The following RBFOX1 variants were observed in gnomAD, a reference collection of about 807,000 sequenced individuals.
RBFOX1 encodes the protein RNA binding protein fox-1 homolog 1.
RBFOX1 carries 8 observed loss-of-function variants against 57.7 expected under a neutral mutation model. That is an observed-to-expected ratio of 0.14 (90% CI 0.08 to 0.25). RBFOX1 has a LOEUF of 0.25. Among genes scored for constraint, RBFOX1 ranks in the 10% least tolerant of loss-of-function variants. RBFOX1 has a pLI of 1.00. For missense variants in RBFOX1, 611 were observed against 548.5 expected, an observed-to-expected ratio of 1.11 and a Z score of -1.14; for synonymous variants, 326 against 222.4, an observed-to-expected ratio of 1.47 and a Z score of -4.15.
At chr16:5,925,698 T>C (rs2058926188) in intron 4 of RBFOX1, among the ~76,000 whole-genome samples, 1 of 152,218 alleles carries the variant, frequency 6.6e-6, no homozygotes, top group Admixed American at 6.5e-5. Flanking sequence ...TATGTTATAC[T>C]GAAATATAGA....
intron 1 of RBFOX1, among the ~76,000 whole-genome samples, chr16:6,175,715 G>C (rs1330943781): frequency 6.6e-6 from 1 of 152,192 alleles, no homozygotes. Context: ...GGATTTCTAA[G>C]TGGTTCCCCA....
chr16:7,148,249 G>C (rs541815967), intron 4 of RBFOX1, among the ~76,000 whole-genome samples: 11 of 152,252 alleles, frequency 7.2e-5, no homozygotes, highest in Non-Finnish European at 1.5e-4. Flanking sequence ...AATGGAAGAA[G>C]TTTAAAGGCA....
At chr16:7,097,590 C>A (rs891071477) in intron 4 of RBFOX1, among the ~76,000 whole-genome samples, 1 of 152,144 alleles carries the variant, frequency 6.6e-6, no homozygotes, top group Non-Finnish European at 1.5e-5. Flanking sequence ...TAATCAAATT[C>A]CATCCAATTA....
intron 1 of RBFOX1, among the ~76,000 whole-genome samples, chr16:6,039,461 A>T (rs992245387): frequency 2.6e-5 from 4 of 152,008 alleles, no homozygotes; most frequent in Admixed American, 6.6e-5. Flanking sequence ...CAGCTTGGAG[A>T]CCGAAGTTCT....
chr16:6,969,055 A>C (rs539549284), intron 3 of RBFOX1, among the ~76,000 whole-genome samples: 48 of 152,180 alleles, frequency 3.2e-4, no homozygotes, highest in Middle Eastern at 3.4e-3. Flanking sequence ...TACAGTTCCC[A>C]TCCGAGAGGT....
At chr16:5,720,955 A>G (rs560222671) in intron 3 of RBFOX1, among the ~76,000 whole-genome samples, 128 of 152,276 alleles carry the variant, frequency 8.4e-4, no homozygotes, top group Non-Finnish European at 1.4e-3. Context: ...CAGCTTGTCA[A>G]TTTCAGCCGA....
chr16:7,249,763 G>T (rs2094441350), intron 4 of RBFOX1, among the ~76,000 whole-genome samples: 2 of 152,136 alleles, frequency 1.3e-5, no homozygotes, highest in South Asian at 2.1e-4. Context: ...AACCGACAGT[G>T]ATGAGCAACA....
chr16:7,712,018 G>T lies in RBFOX1; in HGVS notation c.*1273G>T. On this transcript the variant is annotated 3_prime_UTR_variant, in exon 16 of 16. Transcript: ENST00000550418. The stretch of plus-strand genomic sequence containing the variant: ...TCTCCAAGGCCCAGGACACTTGTCA[G>T]AAGGATGCAAAAAAAGAAAAAAGTA... 1 of 152,196 alleles carries T rather than the reference G, an allele frequency of 6.6e-6. No homozygotes were observed. Among genetic ancestry groups the T allele is most frequent in the East Asian group, 1.9e-4 (1 of 5,178 alleles). 9.4% of individuals were successfully genotyped at this position (152,196 alleles called of 1,614,324 possible). A position where few individuals can be genotyped will look rare whatever the true frequency, so the allele number is the denominator to read the frequency against.
chr16:7,539,912 C>A (rs367682175), intron 5 of RBFOX1, among the ~76,000 whole-genome samples: 2 of 152,192 alleles, frequency 1.3e-5, no homozygotes, highest in African/African-American at 2.4e-5. Flanking sequence ...AGAAGGCAGC[C>A]CCTTGGAGGT....
chr16:5,811,716 TG>T (rs1436873069), intron 3 of RBFOX1, among the ~76,000 whole-genome samples: 2 of 152,228 alleles, frequency 1.3e-5, no homozygotes, highest in Non-Finnish European at 2.9e-5. Context: ...CCCAAAGTGC[TG>T]GGATTACAGA....
At chr16:6,705,419 G>GACAT (rs1184628560) in intron 3 of RBFOX1, 2 of 152,132 alleles carry the variant, frequency 1.3e-5, no homozygotes, top group Admixed American at 1.3e-4. Context: ...AATACCTACA[G>GACAT]ACATACATAC....
At chr16:6,899,126 T>A (rs918901145) in intron 3 of RBFOX1, among the ~76,000 whole-genome samples, 4 of 151,748 alleles carry the variant, frequency 2.6e-5, no homozygotes, top group Non-Finnish European at 5.9e-5. Context: ...TTTATGCATA[T>A]GTGTATATGT....
intron 4 of RBFOX1, among the ~76,000 whole-genome samples, chr16:7,188,492 T>A (rs909666100): frequency 4.6e-5 from 7 of 152,212 alleles, no homozygotes; most frequent in Admixed American, 4.6e-4. Context: ...ACTGAAGTTA[T>A]GCAGAAAGGA....
intron 3 of RBFOX1, among the ~76,000 whole-genome samples, chr16:5,628,535 G>T (rs1240297155): frequency 6.6e-6 from 1 of 152,086 alleles, no homozygotes; most frequent in Non-Finnish European, 1.5e-5. Flanking sequence ...GTAGTATTTG[G>T]GCTCTAGGAA....
intron 1 of RBFOX1, among the ~76,000 whole-genome samples, chr16:6,164,506 G>A (rs1353682101): frequency 1.6e-5 from 2 of 128,604 alleles, no homozygotes; most frequent in African/African-American, 5.8e-5. Flanking sequence ...TTGTTTCATT[G>A]CCCAGGATGG....
At chr16:6,653,228 T>A (rs1260347806) in intron 2 of RBFOX1, among the ~76,000 whole-genome samples, 1 of 152,140 alleles carries the variant, frequency 6.6e-6, no homozygotes, top group Non-Finnish European at 1.5e-5. Context: ...CCCTCAGCAT[T>A]TCCCACCCCC....
At chr16:6,805,401 A>G (rs1016385361) in intron 3 of RBFOX1, among the ~76,000 whole-genome samples, 2 of 152,172 alleles carry the variant, frequency 1.3e-5, no homozygotes, top group African/African-American at 4.8e-5. Context: ...GATAGAGGGT[A>G]GGAGGAGGGA....
At chr16:5,691,441 A>G (rs747023535) in intron 3 of RBFOX1, among the ~76,000 whole-genome samples, 3 of 152,188 alleles carry the variant, frequency 2.0e-5, no homozygotes, top group South Asian at 2.1e-4. Flanking sequence ...TGCTTGAATC[A>G]GTGGTTGAAT....
intron 3 of RBFOX1, among the ~76,000 whole-genome samples, chr16:6,913,862 C>T (rs996684509): frequency 3.3e-5 from 5 of 152,260 alleles, no homozygotes; most frequent in Non-Finnish European, 7.3e-5. Context: ...TCAGGGAGGG[C>T]CAATCTATTA....
Sources: gnomAD v4.1 joint callset for allele counts (sites outside exome capture counted in the v4.1 genomes callset) on GRCh38, gnomAD v4.1.1 for gene constraint, MANE v1.5 for transcripts, NCBI Gene and HGNC (gene_info 2026-07-23, HGNC 2026-07-21) for gene names.